Variants in TMEM161B observed in about 807,000 individuals in gnomAD.
The protein encoded by TMEM161B is transmembrane protein 161B.
TMEM161B carries 34 observed loss-of-function variants against 61.8 expected under a neutral mutation model. The observed-to-expected ratio is 0.55, with a 90% CI of 0.42 to 0.73. The LOEUF (loss-of-function observed/expected upper bound fraction) is 0.73, where lower values mean the gene tolerates loss of function less well. Among genes scored for constraint, TMEM161B ranks in the 30% least tolerant of loss-of-function variants. The pLI is 0.00. For synonymous variants in TMEM161B, 167 were observed against 192.8 expected, an observed-to-expected ratio of 0.87 and a Z score of 1.11; for missense variants, 456 against 558.5, an observed-to-expected ratio of 0.82 and a Z score of 1.85.
At chr5:88,248,655 G>T (rs552983285) in intron 1 of TMEM161B, among the ~76,000 whole-genome samples, 2 of 150,630 alleles carry the variant, frequency 1.3e-5, no homozygotes, top group South Asian at 2.1e-4. Context: ...TCTCATGTGG[G>T]CATCATGGGT....
downstream of TMEM161B, among the ~76,000 whole-genome samples, chr5:88,187,527 G>A (rs1032755133): frequency 6.6e-6 from 1 of 152,012 alleles, no homozygotes; most frequent in African/African-American, 2.4e-5. Flanking sequence ...CAGTGTACAG[G>A]TCTTATACAT....
At chr5:88,186,058 A>G (rs1748343750), downstream of TMEM161B, among the ~76,000 whole-genome samples, 5 of 152,210 alleles carry the variant, frequency 3.3e-5, no homozygotes, top group South Asian at 1.0e-3. Context: ...CGACACCTAT[A>G]AAGAGTCAAA....
chr5:88,222,475 GA>G (rs574520420), intron 4 of TMEM161B, among the ~76,000 whole-genome samples: 25 of 146,300 alleles, frequency 1.7e-4, no homozygotes, highest in Non-Finnish European at 2.6e-4. Context: ...CCCCTGCTAA[GA>G]AAAAAAAAAA....
In TMEM161B at chr5:88,195,572, T is replaced by C; in HGVS notation, c.*639A>G. 1.0e-6 allele frequency: 1 copy of C among 985,462 alleles called. No homozygotes were observed. The highest frequency in any genetic ancestry group is 1.2e-6 in the Non-Finnish European group (1 of 829,736). The allele number at this position is 985,462 out of a possible 1,614,324, so 61.0% of individuals were successfully genotyped here. A position where few individuals can be genotyped will look rare whatever the true frequency, so the allele number is the denominator to read the frequency against. ...CAATCATTTTAAAAGAACTCTCAAGTTGGGTGGAATATGTTTTAAAACAAT... is the reference window on the plus strand; with the variant it reads ...CAATCATTTTAAAAGAACTCTCAAGCTGGGTGGAATATGTTTTAAAACAAT... On this transcript the variant is annotated 3_prime_UTR_variant, in exon 12 of 12. Coordinates refer to ENST00000296595, the MANE Select transcript of TMEM161B (RefSeq NM_153354.5).
intron 1 of TMEM161B, among the ~76,000 whole-genome samples, chr5:88,251,552 G>A (rs74744427): frequency 0.016 from 2,358 of 152,112 alleles, 33 homozygotes; most frequent in Admixed American, 0.043. Context: ...TGCCTCCCAA[G>A]GTTAGCCTGG....
At chr5:88,253,940 T>A (rs1754658508) in intron 1 of TMEM161B, among the ~76,000 whole-genome samples, 2 of 151,924 alleles carry the variant, frequency 1.3e-5, no homozygotes. Flanking sequence ...ATAATGGGCA[T>A]AATCATTGGA....
chr5:88,256,547 C>T (rs1755009062), intron 1 of TMEM161B, among the ~76,000 whole-genome samples: 1 of 152,172 alleles, frequency 6.6e-6, no homozygotes, highest in Non-Finnish European at 1.5e-5. Flanking sequence ...GAGTCTTCAA[C>T]ATTCATGTGC....
At chr5:88,215,827 A>T (rs1432389855) in intron 5 of TMEM161B, among the ~76,000 whole-genome samples, 1 of 152,242 alleles carries the variant, frequency 6.6e-6, no homozygotes, top group Non-Finnish European at 1.5e-5. Context: ...AATAGCTATT[A>T]AAAAGTATAT....
At chr5:88,190,226 G>A, downstream of TMEM161B, 1 of 701,086 alleles carries the variant, frequency 1.4e-6, no homozygotes, top group South Asian at 1.5e-5. Flanking sequence ...AAGCTTGCAT[G>A]CCGGGTGGAA....
chr5:88,203,406 A>G (rs1228116312), intron 8 of TMEM161B, among the ~76,000 whole-genome samples: 1 of 152,064 alleles, frequency 6.6e-6, no homozygotes, highest in African/African-American at 2.4e-5. Flanking sequence ...ATAATCTCAT[A>G]CTTTATTCCT....
chr5:88,232,718 C>A (rs1751207715), intron 2 of TMEM161B, among the ~76,000 whole-genome samples: 1 of 152,030 alleles, frequency 6.6e-6, no homozygotes, highest in Non-Finnish European at 1.5e-5. Context: ...GGACTACTAG[C>A]GCCCGCCACC....
At chr5:88,202,017 GA>G (rs1210054408) in intron 9 of TMEM161B, 6 of 412,532 alleles carry the variant, frequency 1.5e-5, no homozygotes, top group Non-Finnish European at 2.9e-5. Context: ...GCAAAGCAGT[GA>G]AAAGAACATT....
chr5:88,186,026 C>T (rs1487098945), downstream of TMEM161B, among the ~76,000 whole-genome samples: 3 of 152,102 alleles, frequency 2.0e-5, no homozygotes, highest in Non-Finnish European at 2.9e-5. Flanking sequence ...CTGTCAAGAC[C>T]TTCAATATTC....
At chr5:88,250,084 C>A (rs1411987966) in intron 1 of TMEM161B, among the ~76,000 whole-genome samples, 1 of 152,042 alleles carries the variant, frequency 6.6e-6, no homozygotes, top group Non-Finnish European at 1.5e-5. Context: ...CAGCCTAAGA[C>A]TAGACTCATA....
At position 88,207,061 on chromosome 5, in the gene TMEM161B, G is replaced by A; in HGVS notation, c.566C>T (p.Thr189Ile). Residue 189 changes from threonine to isoleucine, a missense_variant, in exon 6 of 12, where the codon ACA becomes ATA. Thr to Ile is a moderately conservative substitution (Grantham distance 89). Coordinates refer to ENST00000296595, the MANE Select transcript of TMEM161B (RefSeq NM_153354.5). ...AAGTCCAAATTCCAGATAATTTTCT[G>A]TTACAATCAACACTGCCATTGCTTT... The part of the protein sequence containing the change: ...FVKAMAVLIV[T>I]ENYLEFGLET... 6.2e-7 allele frequency: 1 copy of A among 1,612,054 alleles called. No homozygotes were observed. The highest frequency in any genetic ancestry group is 8.5e-7 in the Non-Finnish European group (1 of 1,179,368).
chr5:88,223,447 A>G (rs1453699581), intron 4 of TMEM161B, among the ~76,000 whole-genome samples: 1 of 152,226 alleles, frequency 6.6e-6, no homozygotes, highest in African/African-American at 2.4e-5. Context: ...ATACACGTCT[A>G]TGAACATTTT....
intron 5 of TMEM161B, among the ~76,000 whole-genome samples, chr5:88,207,410 T>C (rs1056275583): frequency 2.0e-5 from 3 of 152,198 alleles, no homozygotes; most frequent in African/African-American, 7.2e-5. Context: ...TCAAGATTTT[T>C]ATGCAGTATG....
chr5:88,256,501 C>T (rs532505597), intron 1 of TMEM161B, among the ~76,000 whole-genome samples: 1 of 152,340 alleles, frequency 6.6e-6, no homozygotes, highest in African/African-American at 2.4e-5. Context: ...ACATGTTTGA[C>T]ATGTACAAAT....
chr5:88,240,401 GT>G (rs775358731), intron 2 of TMEM161B, among the ~76,000 whole-genome samples: 45 of 151,778 alleles, frequency 3.0e-4, no homozygotes, highest in Non-Finnish European at 4.4e-4. Flanking sequence ...TTTTTTAAAG[GT>G]AATTAGAAAA....
Sources: allele counts gnomAD v4.1 joint callset (sites outside exome capture counted in the v4.1 genomes callset), GRCh38; gene constraint gnomAD v4.1.1; transcripts MANE v1.5; gene names NCBI Gene and HGNC (gene_info 2026-07-23, HGNC 2026-07-21).